ACSS2: variants seen among roughly 807,000 people sequenced by gnomAD.
ACSS2 encodes the protein acetyl-coenzyme A synthetase, cytoplasmic.
ACSS2 carries 58 observed loss-of-function variants against 90.6 expected under a neutral mutation model. The observed-to-expected ratio is 0.64, with a 90% CI of 0.52 to 0.80. ACSS2 has a LOEUF of 0.80. Ranked by LOEUF, ACSS2 falls within the 30% of genes least tolerant of loss-of-function variation. The pLI is 0.00. For missense variants in ACSS2, 759 were observed against 912.0 expected (o/e 0.83, Z 2.16); for synonymous variants, 300 against 330.9 (o/e 0.91, Z 1.01).
chr20:34,910,522 G>A (rs1001324472), intron 2 of ACSS2, among the ~76,000 whole-genome samples: 8 of 152,192 alleles, frequency 5.3e-5, no homozygotes, highest in Non-Finnish European at 1.0e-4. Flanking sequence ...AGGTGTGGTA[G>A]CATGTGCCCG....
In ACSS2 at chr20:34,882,840, C is replaced by G; in HGVS notation, c.225C>G (p.Cys75Trp). The change falls in exon 2 of 18, where the codon TGC becomes TGG. Residue 75 changes from cysteine to tryptophan, a missense_variant. Transcript: ENST00000360596. ...IAKEFYWKTP[C>W]PGPFLRYNFD... ...AGGAATTTTACTGGAAGACTCCATG[C>G]CCTGGCCCATTCCTTCGGTACAACT... 6.2e-7 allele frequency: 1 copy of G among 1,613,496 alleles called. No individual in the cohort carries two copies. The highest frequency in any genetic ancestry group is 8.5e-7 in the Non-Finnish European group (1 of 1,179,834).
chr20:34,921,720 C>T (rs2273683), intron 12 of ACSS2, 66 bp from the exon 13 acceptor site: 1,007,537 of 1,606,276 alleles, frequency 0.63, 323,500 homozygotes, highest in African/African-American at 0.91. Context: ...GTTCTGGGGC[C>T]CCTTGGGAGT....
intron 2 of ACSS2, among the ~76,000 whole-genome samples, chr20:34,903,689 C>T (rs1301513005): frequency 6.6e-6 from 1 of 151,892 alleles, no homozygotes; most frequent in Admixed American, 6.6e-5. Flanking sequence ...TATCCTGTGC[C>T]TTGCTTGTAG....
rs372698999 is a variant in ACSS2, at chr20:34,927,102, G to A, written c.1994G>A (p.Arg665Gln). Reference sequence around the variant, plus strand: ...GGTTCCCCAGGGAAAATCATGAGGCGAGTGCTTCGGAAGATTGCTCAGAAT... The same window carrying A: ...GGTTCCCCAGGGAAAATCATGAGGCAAGTGCTTCGGAAGATTGCTCAGAAT... ...PKTRSGKIMR[R>Q]VLRKIAQNDH... is the part of the protein sequence containing the mutation. Residue 665 changes from arginine to glutamine, a missense_variant, in exon 18 of 18, where the codon CGA becomes CAA. Physicochemically the swap from Arg to Gln is conservative, Grantham distance 43 (BLOSUM62 1). Coordinates refer to ENST00000360596, the MANE Select transcript of ACSS2 (RefSeq NM_018677.4). This position sits in a 1 kb window ranked among gnomAD's most constrained non-coding sequence, Gnocchi z 4.2. 2.9e-5 allele frequency: 46 copies of A among 1,614,016 alleles called. No homozygotes were observed. Among genetic ancestry groups the A allele is most frequent in the African/African-American group, 2.7e-4 (20 of 74,878 alleles).
chr20:34,899,390 C>T (rs2080571114), intron 2 of ACSS2, among the ~76,000 whole-genome samples: 1 of 125,596 alleles, frequency 8.0e-6, no homozygotes, highest in Admixed American at 7.4e-5. Context: ...TTTTTTCTTT[C>T]TTTCTTTCTT....
chr20:34,898,329 C>T (rs201579129), intron 2 of ACSS2, among the ~76,000 whole-genome samples: 7 of 152,034 alleles, frequency 4.6e-5, no homozygotes, highest in Non-Finnish European at 7.4e-5. Context: ...GACAGGGTGC[C>T]GATTGGTGCG....
At chr20:34,875,555 C>T (rs903773929), upstream of ACSS2, among the ~76,000 whole-genome samples, 5 of 152,122 alleles carry the variant, frequency 3.3e-5, no homozygotes, top group South Asian at 4.1e-4. Flanking sequence ...GGCGACAGAG[C>T]GAGAGACTCC....
intron 7 of ACSS2, among the ~76,000 whole-genome samples, chr20:34,918,686 T>C (rs1366010427): frequency 6.6e-6 from 1 of 152,322 alleles, no homozygotes; most frequent in Non-Finnish European, 1.5e-5. Context: ...GGTCTGGACA[T>C]GTAGGCAAAA....
At chr20:34,885,121 G>T (rs540953144) in intron 2 of ACSS2, among the ~76,000 whole-genome samples, 1 of 152,026 alleles carries the variant, frequency 6.6e-6, no homozygotes, top group South Asian at 2.1e-4. Context: ...GATTGCTTGA[G>T]CCCAGGAGGC....
intron 7 of ACSS2, among the ~76,000 whole-genome samples, chr20:34,916,136 C>T (rs2081073129): frequency 6.6e-6 from 1 of 152,154 alleles, no homozygotes; most frequent in Non-Finnish European, 1.5e-5. Flanking sequence ...ATTAGCATGG[C>T]GGAGACAGAT....
At chr20:34,898,512 A>T (rs2080526644) in intron 2 of ACSS2, among the ~76,000 whole-genome samples, 2 of 151,968 alleles carry the variant, frequency 1.3e-5, no homozygotes, top group Middle Eastern at 6.8e-3. Context: ...TGGTGTGTTC[A>T]CAAACCTTGA....
intron 2 of ACSS2, among the ~76,000 whole-genome samples, chr20:34,895,077 T>A (rs1432612948): frequency 2.0e-5 from 3 of 152,170 alleles, no homozygotes; most frequent in South Asian, 4.1e-4. Context: ...AAAAATTATT[T>A]AGATTAATAA....
At chr20:34,879,075 T>A (rs566596219) in intron 1 of ACSS2, among the ~76,000 whole-genome samples, 37 of 151,856 alleles carry the variant, frequency 2.4e-4, no homozygotes, top group African/African-American at 8.2e-4. Context: ...CGGCTAATTT[T>A]TTGTATTTTT....
intron 2 of ACSS2, among the ~76,000 whole-genome samples, chr20:34,903,693 C>T (rs1355161514): frequency 1.3e-5 from 2 of 151,936 alleles, no homozygotes; most frequent in Non-Finnish European, 2.9e-5. Context: ...CTGTGCCTTG[C>T]TTGTAGTTCT....
chr20:34,885,424 A>G (rs2080168798), intron 2 of ACSS2, among the ~76,000 whole-genome samples: 1 of 152,122 alleles, frequency 6.6e-6, no homozygotes, highest in Non-Finnish European at 1.5e-5. Context: ...CCTTACCTGA[A>G]CAGGCTCTGG....
At chr20:34,921,176 C>T (rs927818890) in intron 10 of ACSS2, 37 bp downstream of exon 10, 1 of 1,613,922 alleles carries the variant, frequency 6.2e-7, no homozygotes, top group Non-Finnish European at 8.5e-7. Context: ...TGTGGGTATC[C>T]CTCAGAGCTG....
At chr20:34,924,449 G>C (rs1252792142) in intron 14 of ACSS2, among the ~76,000 whole-genome samples, 1 of 152,212 alleles carries the variant, frequency 6.6e-6, no homozygotes, top group Non-Finnish European at 1.5e-5. Flanking sequence ...TTTGAGCAGA[G>C]GCCTGAAGGG....
intron 2 of ACSS2, among the ~76,000 whole-genome samples, chr20:34,900,802 A>T (rs1244959009): frequency 6.6e-6 from 1 of 152,212 alleles, no homozygotes; most frequent in Admixed American, 6.5e-5. Context: ...TCTGTTAAGT[A>T]CACTAAAATT....
intron 14 of ACSS2, 35 bp from the exon 15 acceptor site, chr20:34,925,663 G>A (rs1164236172): frequency 6.3e-7 from 1 of 1,599,398 alleles, no homozygotes; most frequent in South Asian, 1.1e-5. Flanking sequence ...CCTACCGTAG[G>A]GTTTTTATTT....
Sources: gnomAD v4.1 joint callset for allele counts (sites outside exome capture counted in the v4.1 genomes callset) on GRCh38, gnomAD v4.1.1 for gene constraint, Gnocchi (gnomAD v3.1) non-coding constraint, MANE v1.5 for transcripts, NCBI Gene and HGNC (gene_info 2026-07-23, HGNC 2026-07-21) for gene names.